The following DNM3 variants were observed in gnomAD, a reference collection of about 807,000 sequenced individuals.
DNM3 encodes dynamin-3.
A neutral mutation model predicts 101.6 loss-of-function variants in DNM3; 47 were observed. That is an observed-to-expected ratio of 0.46 (90% confidence interval 0.37 to 0.59). The LOEUF is 0.59. DNM3 is among the 20% of genes least tolerant of loss of function. DNM3 has a pLI of 0.00. For synonymous variants in DNM3, 385 were observed against 387.9 expected, an observed-to-expected ratio of 0.99 and a Z score of 0.09; for missense variants, 849 against 1,085.7, an observed-to-expected ratio of 0.78 and a Z score of 3.06.
intron 18 of DNM3, among the ~76,000 whole-genome samples, chr1:172,384,637 G>C (rs1156481013): frequency 6.6e-6 from 1 of 152,160 alleles, no homozygotes; most frequent in Non-Finnish European, 1.5e-5. Context: ...GCACATCTTT[G>C]GTCAGAATGC....
intron 1 of DNM3, among the ~76,000 whole-genome samples, chr1:171,847,830 TAAA>T (rs1313976418): frequency 6.6e-6 from 1 of 151,758 alleles, no homozygotes; most frequent in Non-Finnish European, 1.5e-5. Context: ...TTTCATGAAT[TAAA>T]AATCATTTCC....
chr1:172,178,180 T>C (rs1572844364), intron 14 of DNM3, among the ~76,000 whole-genome samples: 1 of 151,940 alleles, frequency 6.6e-6, no homozygotes, highest in African/African-American at 2.4e-5. Context: ...AATAATACTG[T>C]CATATAATCT....
intron 1 of DNM3, among the ~76,000 whole-genome samples, chr1:171,865,939 C>T (rs984202879): frequency 3.3e-5 from 5 of 152,116 alleles, no homozygotes; most frequent in Non-Finnish European, 7.3e-5. Context: ...CTAATAGATT[C>T]AGCATCTTCC....
intron 15 of DNM3, among the ~76,000 whole-genome samples, chr1:172,302,607 C>T (rs1348566969): frequency 6.6e-6 from 1 of 152,158 alleles, no homozygotes; most frequent in Non-Finnish European, 1.5e-5. Flanking sequence ...AACTGGGAGA[C>T]ACCTCCCAGT....
intron 4 of DNM3, among the ~76,000 whole-genome samples, chr1:171,996,622 TG>T (rs1183765944): frequency 1.3e-5 from 2 of 152,120 alleles, no homozygotes; most frequent in Non-Finnish European, 2.9e-5. Flanking sequence ...TGTGTGTCCT[TG>T]GGCAAGTTAT....
chr1:172,234,414 C>T (rs1185701135), intron 14 of DNM3, among the ~76,000 whole-genome samples: 1 of 152,138 alleles, frequency 6.6e-6, no homozygotes, highest in Non-Finnish European at 1.5e-5. Context: ...ACATTCCATG[C>T]TCATGGATAG....
chr1:171,853,310 C>T (rs976561852), intron 1 of DNM3, among the ~76,000 whole-genome samples: 3 of 151,832 alleles, frequency 2.0e-5, no homozygotes, highest in Admixed American at 6.6e-5. Context: ...ACCACAAGTC[C>T]GCACCACCAT....
intron 12 of DNM3, among the ~76,000 whole-genome samples, chr1:172,092,439 G>A (rs771221779): frequency 2.2e-4 from 34 of 152,282 alleles, no homozygotes; most frequent in African/African-American, 4.6e-4. Context: ...TGGGGTTGCT[G>A]TGAGAATAAA....
intron 14 of DNM3, among the ~76,000 whole-genome samples, chr1:172,171,886 C>T (rs640159): frequency 0.49 from 73,690 of 151,320 alleles, 19,519 homozygotes; most frequent in African/African-American, 0.7. Flanking sequence ...CTCTTCATTG[C>T]AGAGGGAAGC....
intron 16 of DNM3, among the ~76,000 whole-genome samples, chr1:172,320,042 C>T (rs2065620465): frequency 6.6e-6 from 1 of 151,742 alleles, no homozygotes; most frequent in African/African-American, 2.4e-5. Context: ...CCATGGAATA[C>T]TACGCAGCCA....
chr1:172,320,348 AT>A (rs2065644824), intron 16 of DNM3, among the ~76,000 whole-genome samples: 1 of 150,852 alleles, frequency 6.6e-6, no homozygotes, highest in South Asian at 2.1e-4. Flanking sequence ...TAACCTGAAC[AT>A]TGTGCACAGG....
chr1:171,942,201 A>ATTTT (rs71561599), intron 2 of DNM3, among the ~76,000 whole-genome samples: 24,911 of 103,174 alleles, frequency 0.24, 3,799 homozygotes, highest in Non-Finnish European at 0.31. Context: ...TGCTCACTTG[A>ATTTT]TTTTTTTTTT....
chr1:171,890,063 A>G (rs983189339), intron 1 of DNM3, among the ~76,000 whole-genome samples: 3 of 152,182 alleles, frequency 2.0e-5, no homozygotes, highest in Non-Finnish European at 4.4e-5. Context: ...GGAAAATTCG[A>G]AGAGAAAAAC....
intron 4 of DNM3, among the ~76,000 whole-genome samples, chr1:172,006,630 T>C (rs2046710023): frequency 6.6e-6 from 1 of 152,064 alleles, no homozygotes; most frequent in Non-Finnish European, 1.5e-5. Flanking sequence ...CTCCACCCCC[T>C]TCTTCTGTCT....
intron 18 of DNM3, among the ~76,000 whole-genome samples, chr1:172,386,029 A>AG (rs1197057691): frequency 2.0e-5 from 3 of 152,238 alleles, no homozygotes; most frequent in Admixed American, 1.3e-4. Context: ...ACCTAGCACA[A>AG]GATACTTAAA....
At position 172,379,612 on chromosome 1, in the gene DNM3, GATT is replaced by G. The variant is rs146559341; in HGVS notation, c.2058+434_2058+436del. Among the ~76,000 whole-genome samples, 656 of 152,108 alleles carry G rather than the reference GATT, an allele frequency of 4.3e-3. 2 individuals are homozygous for G. The highest frequency in any genetic ancestry group is 0.015 in the African/African-American group (629 of 41,528). ...ACACATATATAAAATATGTTAATAT[GATT>G]ATTTTCAGCTTCTAAAATCTATGGA... On this transcript the variant is annotated intron_variant, in intron 18 of 20. Transcript: ENST00000627582.
At chr1:172,115,441 G>A (rs1308571167) in intron 13 of DNM3, among the ~76,000 whole-genome samples, 1 of 152,092 alleles carries the variant, frequency 6.6e-6, no homozygotes, top group African/African-American at 2.4e-5. Context: ...CTTTAAAACA[G>A]TGAGATCATA....
At chr1:172,258,971 T>G (rs933996544) in intron 15 of DNM3, among the ~76,000 whole-genome samples, 1 of 152,052 alleles carries the variant, frequency 6.6e-6, no homozygotes, top group Middle Eastern at 3.2e-3. Context: ...TTTCAAGAAA[T>G]TTTTAAATTT....
chr1:172,352,848 T>A (rs2067259109), intron 17 of DNM3, among the ~76,000 whole-genome samples: 1 of 152,140 alleles, frequency 6.6e-6, no homozygotes, highest in African/African-American at 2.4e-5. Flanking sequence ...GTGATCCAGA[T>A]CCTTTGGAGG....
Sources: allele counts gnomAD v4.1 joint callset (sites outside exome capture counted in the v4.1 genomes callset), GRCh38; gene constraint gnomAD v4.1.1; transcripts MANE v1.5; gene names NCBI Gene and HGNC (gene_info 2026-07-23, HGNC 2026-07-21).